Variants in MBNL1 observed in about 807,000 individuals in gnomAD.
The protein encoded by MBNL1 is muscleblind like splicing regulator 1.
Under a neutral mutation model 42.2 loss-of-function variants are expected in MBNL1, and 8 were observed. The observed-to-expected ratio is 0.19, with a 90% CI of 0.11 to 0.34. MBNL1 has a LOEUF of 0.34. Among genes scored for constraint, MBNL1 ranks in the 10% least tolerant of loss-of-function variants. The probability of loss-of-function intolerance (pLI) is 1.00; values close to 1 mark genes in which losing one functional copy is unlikely to be tolerated. For synonymous variants in MBNL1, 169 were observed against 173.9 expected, an observed-to-expected ratio of 0.97 and a Z score of 0.22; for missense variants, 309 against 495.3, an observed-to-expected ratio of 0.62 and a Z score of 3.57.
upstream of MBNL1, chr3:152,263,316 T>A (rs983160958): frequency 2.0e-5 from 3 of 152,230 alleles, no homozygotes; most frequent in Admixed American, 2.0e-4. Context: ...CTCTGGGAAC[T>A]GGAAACACTG....
At chr3:152,379,662 A>G (rs1056309375) in intron 2 of MBNL1, among the ~76,000 whole-genome samples, 8 of 152,306 alleles carry the variant, frequency 5.3e-5, no homozygotes, top group African/African-American at 1.7e-4. Flanking sequence ...AATTTTCTAA[A>G]TGACATCTAC....
chr3:152,322,320 C>T (rs538020075), intron 2 of MBNL1, among the ~76,000 whole-genome samples: 1 of 152,042 alleles, frequency 6.6e-6, no homozygotes, highest in East Asian at 1.9e-4. Flanking sequence ...TAGCTCCTGA[C>T]CCATGCCATA....
At chr3:152,269,706 T>C (rs1432618841) in intron 1 of MBNL1, 3 of 242,736 alleles carry the variant, frequency 1.2e-5, no homozygotes, top group Non-Finnish European at 2.5e-5. Flanking sequence ...AGGAGAGGGC[T>C]GCCTCCTCCT....
chr3:152,439,633 C>A (rs2099121373), intron 4 of MBNL1, among the ~76,000 whole-genome samples: 1 of 152,116 alleles, frequency 6.6e-6, no homozygotes, highest in Admixed American at 6.5e-5. Context: ...ATTTAATACA[C>A]TATGGCTCTG....
In MBNL1 at chr3:152,324,946, G is replaced by A. The variant is rs2078613544; in HGVS notation, c.174+24579G>A. On this transcript the variant is annotated intron_variant, in intron 2 of 9. Coordinates refer to ENST00000324210, the MANE Select transcript of MBNL1 (RefSeq NM_021038.5). ...GTACTTTAATTAATAGATATTTATT[G>A]ATCCCTTACTAAGTACTTAGCATTT... Among the ~76,000 whole-genome samples, 3 of 151,868 alleles carry A rather than the reference G, an allele frequency of 2.0e-5. No individual in the cohort carries two copies. In the South Asian group the frequency reaches 6.2e-4, roughly 32 times the overall value.
rs1007254551 is a variant in MBNL1 at position 152,369,075 on chromosome 3, C to T, written c.175-45866C>T. Among the ~76,000 whole-genome samples, 16 of 152,288 alleles carry T rather than the reference C, an allele frequency of 1.1e-4. No individual in the cohort carries two copies. In the South Asian group the frequency reaches 1.2e-3, roughly 12 times the overall value. ...GAATAGGAGTGGTAAGAGAGGGCAT[C>T]CTTATCTTGTGCCAGTATTCAGAGG... On this transcript the variant is annotated intron_variant, in intron 2 of 9. Transcript: ENST00000324210.
intron 4 of MBNL1, 31 bp downstream of exon 4, chr3:152,432,951 C>G: frequency 1.3e-6 from 2 of 1,556,234 alleles, no homozygotes; most frequent in Non-Finnish European, 1.8e-6. Context: ...TCTTTATATA[C>G]TACATTCTAA....
chr3:152,326,736 G>A (rs1158408170), intron 2 of MBNL1, among the ~76,000 whole-genome samples: 1 of 151,232 alleles, frequency 6.6e-6, no homozygotes, highest in African/African-American at 2.4e-5. Flanking sequence ...ATATAATCAA[G>A]GATGCCAGTA....
chr3:152,412,287 CAT>C lies in MBNL1; in HGVS notation c.175-2653_175-2652del, dbSNP rs879740188. On this transcript the variant is annotated intron_variant, in intron 2 of 9. Coordinates refer to ENST00000324210, the MANE Select transcript of MBNL1 (RefSeq NM_021038.5). ...ACATTATTCTCTTATTTTTTCCACACATGTCAAATGAAAATTTATCTGGCTTT... is the reference window on the plus strand; with the variant it reads ...ACATTATTCTCTTATTTTTTCCACACGTCAAATGAAAATTTATCTGGCTTT... Among the ~76,000 whole-genome samples the C allele has an allele frequency of 7.8e-4, 118 of 152,220 alleles. 1 individual carries two copies. The highest frequency in any genetic ancestry group is 5.3e-4 in the Non-Finnish European group (36 of 68,016).
chr3:152,446,839 T>C, intron 5 of MBNL1: 1 of 1,179,034 alleles, frequency 8.5e-7, no homozygotes, highest in South Asian at 1.4e-5. Flanking sequence ...CTTTAAAATA[T>C]ATATCCTTTT....
intron 2 of MBNL1, among the ~76,000 whole-genome samples, chr3:152,329,894 G>A (rs539507422): frequency 7.6e-4 from 115 of 151,758 alleles, no homozygotes; most frequent in Non-Finnish European, 8.4e-4. Context: ...TGTCAAAGGA[G>A]TACCAATCTC....
intron 2 of MBNL1, chr3:152,338,304 C>G: frequency 1.0e-6 from 1 of 985,378 alleles, no homozygotes; most frequent in South Asian, 4.7e-5. Context: ...GGGTGTTGTG[C>G]TGCGTGGTCA....
At chr3:152,297,052 T>C (rs1008948262) in intron 1 of MBNL1, among the ~76,000 whole-genome samples, 1 of 152,136 alleles carries the variant, frequency 6.6e-6, no homozygotes, top group African/African-American at 2.4e-5. Flanking sequence ...GGTAGCTTTT[T>C]GGAGGAAGTA....
chr3:152,277,058 C>A (rs2045646711), intron 1 of MBNL1, among the ~76,000 whole-genome samples: 1 of 151,970 alleles, frequency 6.6e-6, no homozygotes, highest in Admixed American at 6.6e-5. Flanking sequence ...AACTTTTAAT[C>A]AATCAAAAAT....
intron 1 of MBNL1, 57 bp downstream of exon 1, chr3:152,269,149 G>C: frequency 2.3e-6 from 1 of 432,180 alleles, no homozygotes; most frequent in South Asian, 1.6e-5. Context: ...ACTCCGGCGG[G>C]TCTGCCCGTG....
At chr3:152,258,417 T>C (rs867146842) in intron 2 of MBNL1, among the ~76,000 whole-genome samples, 1 of 152,216 alleles carries the variant, frequency 6.6e-6, no homozygotes, top group South Asian at 2.1e-4. Flanking sequence ...TTATGTCTAA[T>C]AGCCAAGGCC....
chr3:152,462,617 AAAAG>A lies in MBNL1; in HGVS notation c.*254_*257del, dbSNP rs1747933885. The A allele has an allele frequency of 6.6e-6, 1 of 152,154 alleles. No homozygotes were observed. The highest frequency in any genetic ancestry group is 2.4e-5 in the African/African-American group (1 of 41,448). The allele number at this position is 152,154 out of a possible 1,614,324, so 9.4% of individuals were successfully genotyped here. ...TTGTGCTGAGGTGATATTCCTGTCT[AAAAG>A]AACAACATTGTCTTTCTTTTCTAGC... On this transcript the variant is annotated 3_prime_UTR_variant, in exon 10 of 10. Coordinates refer to ENST00000324210, the MANE Select transcript of MBNL1 (RefSeq NM_021038.5).
intron 2 of MBNL1, among the ~76,000 whole-genome samples, chr3:152,398,240 T>C (rs1255291713): frequency 1.3e-5 from 2 of 152,152 alleles, no homozygotes; most frequent in African/African-American, 2.4e-5. Flanking sequence ...CACTCAATTA[T>C]GATTTTTGAA....
At chr3:152,336,997 A>T (rs1413845425) in intron 2 of MBNL1, among the ~76,000 whole-genome samples, 4 of 152,174 alleles carry the variant, frequency 2.6e-5, no homozygotes, top group African/African-American at 7.2e-5. Flanking sequence ...GTCTTGAAAA[A>T]TTGAGAGTTC....
Sources: gnomAD v4.1 joint callset for allele counts (sites outside exome capture counted in the v4.1 genomes callset) on GRCh38, gnomAD v4.1.1 for gene constraint, MANE v1.5 for transcripts, NCBI Gene and HGNC (gene_info 2026-07-23, HGNC 2026-07-21) for gene names.